The following PHACTR2 variants were observed in gnomAD, a reference collection of about 807,000 sequenced individuals.
The protein encoded by PHACTR2 is chromosome 6 open reading frame 56.
Under a neutral mutation model 76.0 loss-of-function variants are expected in PHACTR2, and 30 were observed. That is an observed-to-expected ratio of 0.39 (90% CI 0.30 to 0.54). PHACTR2 has a LOEUF of 0.54. PHACTR2 is among the 20% of genes least tolerant of loss of function. The probability of loss-of-function intolerance (pLI) is 0.61; values close to 1 mark genes in which losing one functional copy is unlikely to be tolerated. For synonymous variants in PHACTR2, 292 were observed against 292.5 expected, an observed-to-expected ratio of 1.00 and a Z score of 0.02; for missense variants, 696 against 781.1, an observed-to-expected ratio of 0.89 and a Z score of 1.30.
chr6:143,762,978 G>A (rs1432518311), intron 5 of PHACTR2, among the ~76,000 whole-genome samples: 1 of 152,080 alleles, frequency 6.6e-6, no homozygotes, highest in Non-Finnish European at 1.5e-5. Flanking sequence ...AAACTATAAT[G>A]TGGCTTGAAT....
rs991368901 is a variant in PHACTR2, at chr6:143,550,048, G to T, written c.217+12841G>T. Among the ~76,000 whole-genome samples the T allele has an allele frequency of 1.2e-4, 19 of 152,016 alleles. No homozygotes were observed. The highest frequency in any genetic ancestry group is 4.6e-4 in the African/African-American group (19 of 41,400). On this transcript the variant is annotated intron_variant, in intron 1 of 11. Coordinates refer to the PHACTR2 transcript ENST00000367584. The surrounding 1 kb of genome is among the most constrained non-coding windows in gnomAD (Gnocchi z 4.8). ...GTGGGAGTTGGAGTGATATCCCAAT[G>T]CATCAGTGGACTACTCAAATCAAAC...
upstream of PHACTR2, among the ~76,000 whole-genome samples, chr6:143,674,221 C>T (rs1259387856): frequency 6.6e-6 from 1 of 151,824 alleles, no homozygotes; most frequent in African/African-American, 2.4e-5. This position sits in a 1 kb window ranked among gnomAD's most constrained non-coding sequence, Gnocchi z 4.9. Flanking sequence ...AGTAAAGCTC[C>T]CATTTGCTTT....
At position 143,624,511 on chromosome 6, in the gene PHACTR2, T is replaced by TA. The variant is rs1340665024; in HGVS notation, c.13+16189_13+16190insA. ...ATTTCAACTAGATTTTCTTCCACCT[T>TA]CCTAAATTGAGGACAGACTTGAGGC... On this transcript the variant is annotated intron_variant, in intron 1 of 11. Coordinates refer to the PHACTR2 transcript ENST00000305766. This position sits in a 1 kb window ranked among gnomAD's most constrained non-coding sequence, Gnocchi z 4.6. Among the ~76,000 whole-genome samples, 1 of 152,208 alleles carries TA rather than the reference T, an allele frequency of 6.6e-6. No individual in the cohort carries two copies. The highest frequency in any genetic ancestry group is 1.5e-5 in the Non-Finnish European group (1 of 68,026).
rs1190039194 is a variant in PHACTR2, at chr6:143,702,773, CTTTTT to C, written c.47-9221_47-9217del. ...ATGCATTGTAAGAATATATATACAA[CTTTTT>C]TTTTTTTTTTTTTTTTTTTTTACAG... On this transcript the variant is annotated intron_variant, in intron 1 of 12. Transcript: ENST00000440869. Among the ~76,000 whole-genome samples the C allele has an allele frequency of 9.9e-3, 994 of 100,124 alleles. 25 individuals are homozygous for C. Among genetic ancestry groups the C allele is most frequent in the African/African-American group, 0.033 (781 of 24,024 alleles). 65.7% of individuals were successfully genotyped at this position (100,124 alleles called of 152,430 possible). A position where few individuals can be genotyped will look rare whatever the true frequency, so the allele number is the denominator to read the frequency against.
At chr6:143,635,451 A>C (rs1350805755) in intron 1 of PHACTR2, among the ~76,000 whole-genome samples, 2 of 152,194 alleles carry the variant, frequency 1.3e-5, no homozygotes, top group Non-Finnish European at 2.9e-5. Flanking sequence ...TTGTGGGATC[A>C]AAAGTACGTA....
chr6:143,661,687 C>A (rs1227778820), intron 1 of PHACTR2, among the ~76,000 whole-genome samples: 1 of 151,756 alleles, frequency 6.6e-6, no homozygotes, highest in Admixed American at 6.6e-5. Flanking sequence ...TCCCAAGTAG[C>A]TGGGACTACA....
rs1781174425 is a variant in PHACTR2, at chr6:143,541,826, G to A, written c.217+4619G>A. ...GTGCTGTTGGGGGAAGCTTGTGCTT[G>A]CTTATCCCTTGCTGGTGCTTCTACT... On this transcript the variant is annotated intron_variant, in intron 1 of 11. Transcript: ENST00000367584. This position sits in a 1 kb window ranked among gnomAD's most constrained non-coding sequence, Gnocchi z 5.3. Among the ~76,000 whole-genome samples, 2 of 152,152 alleles carry A rather than the reference G, an allele frequency of 1.3e-5. No homozygotes were observed. Among genetic ancestry groups the A allele is most frequent in the Admixed American group, 1.3e-4 (2 of 15,280 alleles).
At position 143,550,992 on chromosome 6, in the gene PHACTR2, G is replaced by A. The variant is rs1257291053; in HGVS notation, c.217+13785G>A. ...GGTTGAGACTACATGAACCATGATT[G>A]CACCACTGCACTCCAGCCTGGGTGA... On this transcript the variant is annotated intron_variant, in intron 1 of 11. Transcript: ENST00000367584. The surrounding 1 kb of genome is among the most constrained non-coding windows in gnomAD (Gnocchi z 4.8). 6.6e-6 allele frequency among the ~76,000 whole-genome samples: 1 copy of A among 151,908 alleles called. No homozygotes were observed. The highest frequency in any genetic ancestry group is 1.5e-5 in the Non-Finnish European group (1 of 67,940).
chr6:143,772,215 C>T lies in PHACTR2; in HGVS notation c.1233-43C>T, dbSNP rs1018463. ...TTAGTGTCAGTGCCGCCAAGGGTTGCTCTGAGCTTCACATCACTCCCATGC... is the reference window on the plus strand; with the variant it reads ...TTAGTGTCAGTGCCGCCAAGGGTTGTTCTGAGCTTCACATCACTCCCATGC... On this transcript the variant is annotated intron_variant, in intron 6 of 12. Transcript: ENST00000440869. This position sits in a 1 kb window ranked among gnomAD's most constrained non-coding sequence, Gnocchi z 5.4. 0.11 allele frequency: 163,480 copies of T among 1,439,776 alleles called. 11,888 individuals carry two copies. The highest frequency in any genetic ancestry group is 0.35 in the East Asian group (15,456 of 43,920). The allele number at this position is 1,439,776 out of a possible 1,614,324, so 89.2% of individuals were successfully genotyped here. A position where few individuals can be genotyped will look rare whatever the true frequency, so the allele number is the denominator to read the frequency against.
rs927681696 is a variant in PHACTR2, at chr6:143,659,439, C to T, written c.13+51117C>T. On this transcript the variant is annotated intron_variant, in intron 1 of 11. Coordinates refer to the PHACTR2 transcript ENST00000305766. The surrounding 1 kb of genome is among the most constrained non-coding windows in gnomAD (Gnocchi z 5.0). The stretch of plus-strand genomic sequence containing the variant: ...GGATGTCGTCTCATCCAAGGCTTGA[C>T]TGAGGAAGGATACACCTGGAAGTGC... Among the ~76,000 whole-genome samples the T allele has an allele frequency of 6.6e-6, 1 of 152,176 alleles. No individual in the cohort carries two copies. The highest frequency in any genetic ancestry group is 6.5e-5 in the Admixed American group (1 of 15,284).
rs571771356 is a variant in PHACTR2 at position 143,818,247 on chromosome 6, C to T, written c.1923-5427C>T. 4.3e-3 allele frequency among the ~76,000 whole-genome samples: 656 copies of T among 152,214 alleles called. 3 individuals are homozygous for T. Among genetic ancestry groups the T allele is most frequent in the African/African-American group, 0.015 (623 of 41,508 alleles). ...AGAGAACACCAGAAAATCACCCCTTCAAATAGAAGTACAGATGAAGACATG... is the reference window on the plus strand; with the variant it reads ...AGAGAACACCAGAAAATCACCCCTTTAAATAGAAGTACAGATGAAGACATG... On this transcript the variant is annotated intron_variant, in intron 12 of 12. Coordinates refer to ENST00000440869, the MANE Select transcript of PHACTR2 (RefSeq NM_001100164.2). The surrounding 1 kb of genome is among the most constrained non-coding windows in gnomAD (Gnocchi z 4.9).
intron 1 of PHACTR2, among the ~76,000 whole-genome samples, chr6:143,577,406 A>G (rs34068572): frequency 0.28 from 43,209 of 151,918 alleles, 6,154 homozygotes; most frequent in South Asian, 0.4. Flanking sequence ...GGACCCTAGC[A>G]GTTAAAAAGG....
In PHACTR2 at chr6:143,753,894, C is replaced by G. The variant is rs1779243142; in HGVS notation, c.436C>G (p.Gln146Glu). ...VSEKTPPLEE[Q>E]AEDKKENTEN... is the part of the protein sequence containing the mutation. ...TGAAAAAACACCACCTCTGGAGGAA[C>G]AGGCAGAAGATAAGAAAGGTAAAAT... Residue 146 changes from glutamine (Q) to glutamate (E), a missense_variant, in exon 4 of 13, where the codon CAG (glutamine) becomes GAG (glutamate). Physicochemically the swap from Gln to Glu is conservative, Grantham distance 29. Coordinates refer to ENST00000440869, the MANE Select transcript of PHACTR2 (RefSeq NM_001100164.2). This position sits in a 1 kb window ranked among gnomAD's most constrained non-coding sequence, Gnocchi z 4.6. 1 of 1,602,748 alleles carries G rather than the reference C, an allele frequency of 6.2e-7. No homozygotes were observed. Among genetic ancestry groups the G allele is most frequent in the African/African-American group, 1.3e-5 (1 of 74,116 alleles).
At position 143,625,455 on chromosome 6, in the gene PHACTR2, G is replaced by A. The variant is rs35296418; in HGVS notation, c.13+17133G>A. Among the ~76,000 whole-genome samples the A allele has an allele frequency of 0.18, 26,930 of 151,774 alleles. 2,754 individuals carry two copies. Among genetic ancestry groups the A allele is most frequent in the South Asian group, 0.27 (1,310 of 4,804 alleles). On this transcript the variant is annotated intron_variant, in intron 1 of 11. Transcript: ENST00000305766. The surrounding 1 kb of genome is among the most constrained non-coding windows in gnomAD (Gnocchi z 4.3). ...TTATTTATAACTTAAGCCACATACC[G>A]TGAAAATAAACTACTCACAACATCA...
chr6:143,744,407 C>A (rs1779009166), intron 2 of PHACTR2, among the ~76,000 whole-genome samples: 3 of 152,140 alleles, frequency 2.0e-5, no homozygotes, highest in Admixed American at 2.0e-4. Flanking sequence ...CAGCAGTAAG[C>A]AAAACAGAAT....
rs1775025014 is a variant in PHACTR2, at chr6:143,547,695, G to A, written c.217+10488G>A. On this transcript the variant is annotated intron_variant, in intron 1 of 11. Transcript: ENST00000367584. This position sits in a 1 kb window ranked among gnomAD's most constrained non-coding sequence, Gnocchi z 4.2. The stretch of plus-strand genomic sequence containing the variant: ...TCCCTTCTTCGAATGAAGGAAAAGG[G>A]GTTTGTTTGTCTATTTGTTAACAAG... Among the ~76,000 whole-genome samples, 1 of 152,148 alleles carries A rather than the reference G, an allele frequency of 6.6e-6. No individual in the cohort carries two copies. The highest frequency in any genetic ancestry group is 2.4e-5 in the African/African-American group (1 of 41,430).
Position 143,753,668 on chromosome 6 carries a change from C to A in PHACTR2, c.296-86C>A. On this transcript the variant is annotated intron_variant, in intron 3 of 12. Coordinates refer to ENST00000440869, the MANE Select transcript of PHACTR2 (RefSeq NM_001100164.2). This position sits in a 1 kb window ranked among gnomAD's most constrained non-coding sequence, Gnocchi z 4.6. ...GGTTCCCAGGGACTGAAACATGAAT[C>A]TAAATTTTACAATCCTAGTAACTGG... 1.1e-6 allele frequency: 1 copy of A among 925,572 alleles called. No homozygotes were observed. The highest frequency in any genetic ancestry group is 1.7e-5 in the South Asian group (1 of 57,344). The allele number at this position is 925,572 out of a possible 1,614,324, so 57.3% of individuals were successfully genotyped here. A position where few individuals can be genotyped will look rare whatever the true frequency, so the allele number is the denominator to read the frequency against.
At chr6:143,604,306 C>T (rs1003245190), upstream of PHACTR2, among the ~76,000 whole-genome samples, 3 of 152,090 alleles carry the variant, frequency 2.0e-5, no homozygotes, top group Non-Finnish European at 4.4e-5. Flanking sequence ...GGACAGTTTA[C>T]TCTTTTACTT....
chr6:143,811,988 T>C lies in PHACTR2; in HGVS notation c.1922+4855T>C, dbSNP rs2128484940. On this transcript the variant is annotated intron_variant, in intron 12 of 12. Transcript: ENST00000440869. This position sits in a 1 kb window ranked among gnomAD's most constrained non-coding sequence, Gnocchi z 4.1. ...ACCTAGATACACAGCAGCTCTCCTTTCCTCTTATTAGCATGAGACATTGTC... is the reference window on the plus strand; with the variant it reads ...ACCTAGATACACAGCAGCTCTCCTTCCCTCTTATTAGCATGAGACATTGTC... Among the ~76,000 whole-genome samples, 1 of 152,296 alleles carries C rather than the reference T, an allele frequency of 6.6e-6. No homozygotes were observed. The highest frequency in any genetic ancestry group is 1.5e-5 in the Non-Finnish European group (1 of 68,018).
Sources: allele counts gnomAD v4.1 joint callset (sites outside exome capture counted in the v4.1 genomes callset), GRCh38; gene constraint gnomAD v4.1.1; non-coding constraint Gnocchi (gnomAD v3.1); transcripts MANE v1.5; gene names NCBI Gene and HGNC (gene_info 2026-07-23, HGNC 2026-07-21).